The following FAM124B variants were observed in gnomAD, a reference collection of about 807,000 sequenced individuals.
FAM124B encodes the protein family with sequence similarity 124 member B, also known as protein FAM124B.
Under a neutral mutation model 19.7 loss-of-function variants are expected in FAM124B, and 18 were observed. The observed-to-expected ratio is 0.92, with a 90% CI of 0.63 to 1.36. The LOEUF is 1.36. Among genes scored for constraint, FAM124B ranks in the 40% most tolerant of loss-of-function variants. The pLI is 0.00. For missense variants in FAM124B, 540 were observed against 553.3 expected, an observed-to-expected ratio of 0.98 and a Z score of 0.24; for synonymous variants, 223 against 225.2, an observed-to-expected ratio of 0.99 and a Z score of 0.09.
chr2:224,384,305 C>T (rs1327673470), intron 1 of FAM124B, among the ~76,000 whole-genome samples: 1 of 152,202 alleles, frequency 6.6e-6, no homozygotes, highest in Non-Finnish European at 1.5e-5. Flanking sequence ...TCCCAATCCC[C>T]AGCTTCTCCC....
chr2:224,383,009 C>T (rs1689748198), intron 1 of FAM124B, among the ~76,000 whole-genome samples: 1 of 152,160 alleles, frequency 6.6e-6, no homozygotes, highest in African/African-American at 2.4e-5. Flanking sequence ...CCACCAGCAT[C>T]AGATACTCTC....
Position 224,390,709 on chromosome 2 carries a change from T to TTG in FAM124B, c.732+10327_732+10328insCA, listed in dbSNP as rs1559309837. Among the ~76,000 whole-genome samples, 25 of 141,738 alleles carry TTG rather than the reference T, an allele frequency of 1.8e-4. No individual in the cohort carries two copies. The South Asian group carries it at 3.5e-3, about 20-fold the overall frequency. 93.0% of individuals were successfully genotyped at this position (141,738 alleles called of 152,430 possible). On this transcript the variant is annotated intron_variant, in intron 1 of 1. Coordinates refer to ENST00000409685, the MANE Select transcript of FAM124B (RefSeq NM_001122779.2). Reference sequence around the variant, plus strand: ...GTCAACAAACTTTTTTTTTTGTTTGTTTGTTTTTTAAGACAGAGTCTCTCT... The same window carrying TTG: ...GTCAACAAACTTTTTTTTTTGTTTGTTGTTGTTTTTTAAGACAGAGTCTCTCT...
intron 1 of FAM124B, among the ~76,000 whole-genome samples, chr2:224,392,884 A>G (rs557363784): frequency 6.6e-6 from 1 of 152,360 alleles, no homozygotes; most frequent in African/African-American, 2.4e-5. Context: ...AGTCCAATAC[A>G]GCAGTCACCA....
intron 1 of FAM124B, among the ~76,000 whole-genome samples, chr2:224,391,911 A>G (rs901321861): frequency 2.0e-5 from 3 of 152,242 alleles, no homozygotes; most frequent in African/African-American, 7.2e-5. Flanking sequence ...GTCCTTAGGT[A>G]GATTACGAAA....
chr2:224,392,890 C>T (rs1689910901), intron 1 of FAM124B, among the ~76,000 whole-genome samples: 1 of 152,154 alleles, frequency 6.6e-6, no homozygotes, highest in Non-Finnish European at 1.5e-5. Flanking sequence ...ATACAGCAGT[C>T]ACCAACCACA....
intron 1 of FAM124B, among the ~76,000 whole-genome samples, chr2:224,395,607 A>G (rs556431396): frequency 6.6e-6 from 1 of 152,336 alleles, no homozygotes; most frequent in South Asian, 2.1e-4. Flanking sequence ...AAAACTGCCA[A>G]AGGAAAAACA....
intron 1 of FAM124B, among the ~76,000 whole-genome samples, chr2:224,381,592 A>T (rs933510483): frequency 6.6e-6 from 1 of 152,174 alleles, no homozygotes; most frequent in African/African-American, 2.4e-5. Flanking sequence ...ACTCTGCATG[A>T]TACTGTAATG....
chr2:224,400,632 G>GTA, intron 1 of FAM124B: 1 of 564,060 alleles, frequency 1.8e-6, no homozygotes, highest in South Asian at 2.5e-5. Context: ...AAGGATAGGG[G>GTA]TATAGTTGAT....
intron 1 of FAM124B, among the ~76,000 whole-genome samples, chr2:224,381,389 G>A (rs547206996): frequency 1.3e-5 from 2 of 152,152 alleles, no homozygotes; most frequent in Non-Finnish European, 2.9e-5. Flanking sequence ...CCAGGAGTTC[G>A]AGGTTAAATT....
At chr2:224,396,904 G>A (rs1689981410) in intron 1 of FAM124B, among the ~76,000 whole-genome samples, 1 of 152,226 alleles carries the variant, frequency 6.6e-6, no homozygotes, top group Non-Finnish European at 1.5e-5. Context: ...GGCCAAGACA[G>A]TGATAACAGA....
At chr2:224,387,603 T>C (rs1689818870) in intron 1 of FAM124B, among the ~76,000 whole-genome samples, 1 of 152,144 alleles carries the variant, frequency 6.6e-6, no homozygotes, top group Non-Finnish European at 1.5e-5. Flanking sequence ...AAACCACCAA[T>C]GGCAACATGC....
At chr2:224,400,770 TTTC>T in intron 1 of FAM124B, among the ~76,000 whole-genome samples, 1 of 152,190 alleles carries the variant, frequency 6.6e-6, no homozygotes, top group Non-Finnish European at 1.5e-5. Context: ...GAATCTGAAC[TTTC>T]TTATCTGTCA....
Position 224,387,675 on chromosome 2 carries a change from C to T in FAM124B, c.733-7467G>A, listed in dbSNP as rs552974902. ...TTTCACAGCAACATAAAGTATTGAGCGAGGGTGTAGAAGTGGGAGTGTGTG... is the reference window on the plus strand; with the variant it reads ...TTTCACAGCAACATAAAGTATTGAGTGAGGGTGTAGAAGTGGGAGTGTGTG... On this transcript the variant is annotated intron_variant, in intron 1 of 1. Transcript: ENST00000409685. Among the ~76,000 whole-genome samples the T allele has an allele frequency of 2.7e-4, 41 of 150,036 alleles. 1 individual carries two copies. The highest frequency in any genetic ancestry group is 4.0e-4 in the Admixed American group (6 of 15,016).
At chr2:224,394,097 C>G (rs1186083989) in intron 1 of FAM124B, among the ~76,000 whole-genome samples, 1 of 152,188 alleles carries the variant, frequency 6.6e-6, no homozygotes, top group Non-Finnish European at 1.5e-5. Flanking sequence ...ACCACAATCT[C>G]CTCGTCCTCC....
At chr2:224,396,152 G>C (rs1689966025) in intron 1 of FAM124B, among the ~76,000 whole-genome samples, 1 of 152,142 alleles carries the variant, frequency 6.6e-6, no homozygotes, top group Non-Finnish European at 1.5e-5. Context: ...TTACATTCCA[G>C]TGGCTGACCA....
In FAM124B at chr2:224,379,349, TCCC is replaced by T; in HGVS notation, c.*221_*223del. The T allele has an allele frequency of 1.7e-6, 1 of 596,896 alleles. No homozygotes were observed. The highest frequency in any genetic ancestry group is 2.7e-6 in the Non-Finnish European group (1 of 374,728). 37.0% of individuals were successfully genotyped at this position (596,896 alleles called of 1,614,324 possible). A position where few individuals can be genotyped will look rare whatever the true frequency, so the allele number is the denominator to read the frequency against. On this transcript the variant is annotated 3_prime_UTR_variant, in exon 2 of 2. Coordinates refer to ENST00000409685, the MANE Select transcript of FAM124B (RefSeq NM_001122779.2). ...ACGGAACAAAAGCATTCGGTTTTTT[TCCC>T]TGTGTGTTGGCTGTGTTCTCTTATG...
At chr2:224,386,475 A>T (rs757766483) in intron 1 of FAM124B, among the ~76,000 whole-genome samples, 15 of 152,142 alleles carry the variant, frequency 9.9e-5, no homozygotes, top group Non-Finnish European at 1.9e-4. Context: ...GTTTCCTTAT[A>T]TGGAAAAGAA....
At chr2:224,396,298 C>T (rs894552808) in intron 1 of FAM124B, among the ~76,000 whole-genome samples, 1 of 152,140 alleles carries the variant, frequency 6.6e-6, no homozygotes, top group African/African-American at 2.4e-5. Context: ...AACATCGTCA[C>T]CCACGGTCAC....
intron 1 of FAM124B, among the ~76,000 whole-genome samples, chr2:224,393,351 C>T (rs573322112): frequency 1.3e-5 from 2 of 152,306 alleles, no homozygotes; most frequent in East Asian, 3.9e-4. Flanking sequence ...ATGGTACACC[C>T]CAGACTGTAC....
Sources: allele counts gnomAD v4.1 joint callset (sites outside exome capture counted in the v4.1 genomes callset), GRCh38; gene constraint gnomAD v4.1.1; transcripts MANE v1.5; gene names NCBI Gene and HGNC (gene_info 2026-07-23, HGNC 2026-07-21).